Variants in LMO7 observed in about 807,000 individuals in gnomAD.
The protein encoded by LMO7 is LIM domain only protein 7.
Under a neutral mutation model 206.5 loss-of-function variants are expected in LMO7, and 120 were observed. The observed-to-expected ratio is 0.58, with a 90% CI of 0.50 to 0.68. The LOEUF is 0.68. Among genes scored for constraint, LMO7 ranks in the 30% least tolerant of loss-of-function variants. The pLI is 0.00. For missense variants in LMO7, 1,959 were observed against 1,957.9 expected, an observed-to-expected ratio of 1.00 and a Z score of -0.01; for synonymous variants, 706 against 681.5, an observed-to-expected ratio of 1.04 and a Z score of -0.56.
chr13:75,656,629 A>G (rs576977163), intron 1 of LMO7, among the ~76,000 whole-genome samples: 23 of 152,284 alleles, frequency 1.5e-4, no homozygotes, highest in African/African-American at 5.5e-4. Flanking sequence ...GCTTGCGGTT[A>G]GTAGACTACA....
chr13:75,754,726 A>G (rs1055109040), intron 3 of LMO7, among the ~76,000 whole-genome samples: 1 of 152,226 alleles, frequency 6.6e-6, no homozygotes, highest in African/African-American at 2.4e-5. Flanking sequence ...GAGCAAGGAC[A>G]TGTGCTATAA....
At chr13:75,770,164 T>G (rs2049437196) in intron 4 of LMO7, among the ~76,000 whole-genome samples, 1 of 128,960 alleles carries the variant, frequency 7.8e-6, no homozygotes, top group Admixed American at 8.8e-5. Flanking sequence ...AATCCTTGTT[T>G]GTTTTGGTGA....
intron 1 of LMO7, among the ~76,000 whole-genome samples, chr13:75,706,270 G>C (rs2042641651): frequency 6.6e-6 from 1 of 152,160 alleles, no homozygotes; most frequent in Admixed American, 6.5e-5. Flanking sequence ...TGACCTTAAG[G>C]TAAGTAGCTG....
chr13:75,636,276 C>A, upstream of LMO7: 1 of 393,680 alleles, frequency 2.5e-6, no homozygotes. Flanking sequence ...TGGGGTGGGC[C>A]GGGGCGGGGC....
chr13:75,732,187 G>A (rs539204695), intron 3 of LMO7, among the ~76,000 whole-genome samples: 1 of 152,150 alleles, frequency 6.6e-6, no homozygotes, highest in African/African-American at 2.4e-5. Context: ...GCTAGATTGG[G>A]GAAGTTCTCC....
chr13:75,677,654 T>TTA (rs1368736721), intron 1 of LMO7, among the ~76,000 whole-genome samples: 1 of 149,636 alleles, frequency 6.7e-6, no homozygotes, highest in Non-Finnish European at 1.5e-5. Flanking sequence ...TTTTTTTTTT[T>TTA]ATTATACTTT....
At chr13:75,721,396 GGA>G (rs1392573960) in intron 2 of LMO7, among the ~76,000 whole-genome samples, 4 of 152,146 alleles carry the variant, frequency 2.6e-5, no homozygotes, top group Non-Finnish European at 5.9e-5. Context: ...GTTTGGAGAG[GGA>G]GAGGGTTGTC....
intron 1 of LMO7, among the ~76,000 whole-genome samples, chr13:75,660,115 C>T (rs564603970): frequency 1.3e-5 from 2 of 152,266 alleles, no homozygotes; most frequent in South Asian, 4.2e-4. Context: ...TCGGAGTATT[C>T]ATTTAGAAGA....
At chr13:75,779,727 A>G (rs1484134725) in intron 4 of LMO7, among the ~76,000 whole-genome samples, 2 of 152,238 alleles carry the variant, frequency 1.3e-5, no homozygotes, top group African/African-American at 4.8e-5. Context: ...AACGCATCCC[A>G]TTGACTTTCT....
chr13:75,639,453 AT>A (rs2036296978), intron 1 of LMO7, among the ~76,000 whole-genome samples: 1 of 152,234 alleles, frequency 6.6e-6, no homozygotes, highest in Non-Finnish European at 1.5e-5. Context: ...TACATTAATA[AT>A]GTAGCAGGGC....
chr13:75,714,211 T>C (rs900846975), intron 2 of LMO7, among the ~76,000 whole-genome samples: 7 of 152,280 alleles, frequency 4.6e-5, no homozygotes, highest in African/African-American at 1.7e-4. Flanking sequence ...TTTTGGACCT[T>C]TGAATAAGTG....
chr13:75,686,282 T>C (rs1324971856), intron 1 of LMO7, among the ~76,000 whole-genome samples: 1 of 152,154 alleles, frequency 6.6e-6, no homozygotes, highest in Non-Finnish European at 1.5e-5. Flanking sequence ...GAAAGGCATG[T>C]TTACCTGGTG....
At chr13:75,817,784 A>G (rs1171047992) in intron 12 of LMO7, among the ~76,000 whole-genome samples, 3 of 152,242 alleles carry the variant, frequency 2.0e-5, no homozygotes, top group Non-Finnish European at 4.4e-5. Context: ...AGTCAATAAT[A>G]TGAACCAAAA....
intron 3 of LMO7, among the ~76,000 whole-genome samples, chr13:75,751,448 C>T (rs1054992954): frequency 4.6e-5 from 7 of 152,108 alleles, no homozygotes; most frequent in Non-Finnish European, 8.8e-5. Context: ...GCATGAGCCA[C>T]CGCACCTGAC....
intron 1 of LMO7, among the ~76,000 whole-genome samples, chr13:75,641,938 G>A (rs1924176): frequency 0.19 from 28,292 of 152,008 alleles, 3,435 homozygotes; most frequent in Admixed American, 0.34. Context: ...GGGATTACAG[G>A]GCGTGAGCCA....
At chr13:75,857,356 G>A (rs541016673) in intron 30 of LMO7, 1 of 152,268 alleles carries the variant, frequency 6.6e-6, no homozygotes, top group Non-Finnish European at 1.5e-5. Flanking sequence ...GTTACAAGTG[G>A]TATCAGCAAA....
chr13:75,785,896 A>T (rs2052353296), intron 4 of LMO7, among the ~76,000 whole-genome samples: 1 of 152,194 alleles, frequency 6.6e-6, no homozygotes, highest in Admixed American at 6.5e-5. Flanking sequence ...AGGACACCTG[A>T]AATGTCTAGT....
chr13:75,624,507 T>C (rs4885331), intron 2 of LMO7, among the ~76,000 whole-genome samples: 66,831 of 151,956 alleles, frequency 0.44, 16,236 homozygotes, highest in East Asian at 0.63. Context: ...TATTAGAACT[T>C]CATGTTCAGA....
chr13:75,835,039 ATTTG>A (rs1566577848), intron 17 of LMO7, 190 bp from the exon 18 acceptor site: 3 of 567,118 alleles, frequency 5.3e-6, no homozygotes, highest in Admixed American at 4.3e-5. Flanking sequence ...ACGCTGCCTG[ATTTG>A]TTTGTCTTGT....
Sources: gnomAD v4.1 joint callset for allele counts (sites outside exome capture counted in the v4.1 genomes callset) on GRCh38, gnomAD v4.1.1 for gene constraint, MANE v1.5 for transcripts, NCBI Gene and HGNC (gene_info 2026-07-23, HGNC 2026-07-21) for gene names.